The following ZFP64 variants were observed in gnomAD, a reference collection of about 807,000 sequenced individuals.
The protein encoded by ZFP64 is ZFP64 zinc finger protein, also known as zinc finger protein 64.
In ZFP64, 14 loss-of-function variants were observed where a neutral mutation model predicts 51.6. The observed-to-expected ratio is 0.27, with a 90% CI of 0.18 to 0.42. The LOEUF (loss-of-function observed/expected upper bound fraction) is 0.42, where lower values mean the gene tolerates loss of function less well. Ranked by LOEUF, ZFP64 falls within the 10% of genes least tolerant of loss-of-function variation. The pLI, the probability that ZFP64 is intolerant of heterozygous loss-of-function variation, is 1.00. For missense variants in ZFP64, 754 were observed against 906.8 expected (o/e 0.83, Z 2.16); for synonymous variants, 375 against 361.4 (o/e 1.04, Z -0.43).
At chr20:52,130,214 T>C (rs891248586) in intron 5 of ZFP64, among the ~76,000 whole-genome samples, 4 of 134,868 alleles carry the variant, frequency 3.0e-5, no homozygotes, top group Admixed American at 2.7e-4. Flanking sequence ...CAATTGTGTT[T>C]TGTTTGTTTG....
intron 5 of ZFP64, among the ~76,000 whole-genome samples, chr20:52,121,797 G>C (rs1449232510): frequency 1.3e-5 from 2 of 152,242 alleles, no homozygotes; most frequent in East Asian, 1.9e-4. Flanking sequence ...CATAGCTAGA[G>C]AGGAGAAGTC....
At chr20:52,155,052 C>T (rs1337964320) in intron 5 of ZFP64, among the ~76,000 whole-genome samples, 1 of 151,856 alleles carries the variant, frequency 6.6e-6, no homozygotes, top group Non-Finnish European at 1.5e-5. Flanking sequence ...AAATAAAAAC[C>T]AATAGGAATA....
At chr20:52,142,609 A>G (rs1481136806) in intron 5 of ZFP64, among the ~76,000 whole-genome samples, 2 of 152,032 alleles carry the variant, frequency 1.3e-5, no homozygotes, top group South Asian at 2.1e-4. Flanking sequence ...TGGGAGGCTG[A>G]GGCGGGCTGA....
At chr20:52,105,616 G>A (rs1298049425) in intron 5 of ZFP64, 1 of 164,748 alleles carries the variant, frequency 6.1e-6, no homozygotes, top group Admixed American at 6.4e-5. Context: ...CAGGTGATTC[G>A]TTTGCCCATT....
Position 52,152,610 on chromosome 20 carries a change from C to A in ZFP64, c.1582G>T (p.Ala528Ser). The stretch of plus-strand genomic sequence containing the variant: ...CCTGGGAGTTCCTCTGGGTTCTGGG[C>A]CACCAAGGCAGGCGGGACGATGTTC... ...AVNIVPPALV[A>S]QNPEELPGNS... The change falls in exon 6 of 6, where the codon GCC (alanine) becomes TCC (serine). Residue 528 changes from alanine to serine, a missense_variant. This residue lies in a region of ZFP64 where 428 missense variants were observed against 472.4 expected (regional missense o/e 0.91). Transcript: ENST00000216923. 1 of 1,539,066 alleles carries A rather than the reference C, an allele frequency of 6.5e-7. No individual in the cohort carries two copies. Among genetic ancestry groups the A allele is most frequent in the African/African-American group, 1.4e-5 (1 of 73,218 alleles).
chr20:52,141,981 G>C (rs1980275614), intron 5 of ZFP64, among the ~76,000 whole-genome samples: 1 of 152,196 alleles, frequency 6.6e-6, no homozygotes, highest in African/African-American at 2.4e-5. Context: ...TCACTTATAA[G>C]TGGGAGCTCA....
rs746622275 is a variant in ZFP64, at chr20:52,097,438, A to G, written c.914-3T>C. On this transcript the variant is annotated splice_polypyrimidine_tract_variant and splice_region_variant and intron_variant, in intron 6 of 8. Transcript: ENST00000361387. ...ATGGACAGTTTTGAAGTGGCAACCT[A>G]GAAAAGAAAAATAGATTTTTTTTTT... is the stretch of plus-strand genomic sequence containing the variant. 13 of 1,594,978 alleles carry G rather than the reference A, an allele frequency of 8.2e-6. No individual in the cohort carries two copies. The South Asian group carries it at 1.3e-4, about 16-fold the overall frequency.
intron 1 of ZFP64, among the ~76,000 whole-genome samples, chr20:52,189,448 A>C (rs1984215588): frequency 6.6e-6 from 1 of 151,256 alleles, no homozygotes; most frequent in East Asian, 1.9e-4. Flanking sequence ...AGATCATAGT[A>C]TTGTAAAACT....
chr20:52,113,667 G>C (rs890504024), intron 5 of ZFP64, among the ~76,000 whole-genome samples: 1 of 147,822 alleles, frequency 6.8e-6, no homozygotes, highest in African/African-American at 2.5e-5. Context: ...TCGAACTCCT[G>C]AACTCAGATG....
intron 5 of ZFP64, among the ~76,000 whole-genome samples, chr20:52,137,898 C>G (rs755621533): frequency 6.6e-6 from 1 of 151,948 alleles, no homozygotes; most frequent in African/African-American, 2.4e-5. Context: ...AAAGCAGGCC[C>G]GGTGCACTGG....
At chr20:52,168,666 C>T (rs912486969) in intron 2 of ZFP64, among the ~76,000 whole-genome samples, 4 of 152,210 alleles carry the variant, frequency 2.6e-5, no homozygotes, top group Non-Finnish European at 4.4e-5. Flanking sequence ...CCACCTCTCT[C>T]GGTTGTTGCT....
chr20:52,117,769 T>C (rs1295251273), intron 5 of ZFP64: 1 of 423,620 alleles, frequency 2.4e-6, no homozygotes, highest in Non-Finnish European at 4.6e-6. Context: ...GCTATACCAT[T>C]ATCATAAATT....
In ZFP64 at chr20:52,164,738, A is replaced by G. The variant is rs1424055341; in HGVS notation, c.468T>C (p.Ala156=). The change falls in exon 4 of 6, where the codon GCT becomes GCC. Residue 156 remains alanine (A), a synonymous_variant. Coordinates refer to ENST00000216923, the MANE Select transcript of ZFP64 (RefSeq NM_018197.3). ...GCCGCTCCATGTCCTTCATGCCATA[A>G]GCAGTCTTGAATTGGCAACCTAAAA... ...CCYPGCQFKT[A]YGMKDMERHL... is the part of the protein sequence containing the mutation. 1.9e-6 allele frequency: 3 copies of G among 1,612,630 alleles called. No individual in the cohort carries two copies. The Admixed American group carries it at 5.0e-5, about 27-fold the overall frequency.
chr20:52,138,275 T>C (rs1403045629), intron 5 of ZFP64, among the ~76,000 whole-genome samples: 36 of 151,676 alleles, frequency 2.4e-4, no homozygotes, highest in Non-Finnish European at 5.9e-5. Flanking sequence ...TTTCTAGAGA[T>C]AGGAAATAAA....
chr20:52,155,001 A>C (rs1403152019), intron 5 of ZFP64, among the ~76,000 whole-genome samples: 1 of 152,174 alleles, frequency 6.6e-6, no homozygotes, highest in Non-Finnish European at 1.5e-5. Flanking sequence ...AAGTCCATGG[A>C]ACCCTTCTTA....
chr20:52,139,343 C>T (rs1001257573), intron 5 of ZFP64, among the ~76,000 whole-genome samples: 2 of 152,130 alleles, frequency 1.3e-5, no homozygotes, highest in Admixed American at 6.5e-5. Context: ...AAATCATGGA[C>T]TTTGCAGCAA....
At chr20:52,142,652 C>G (rs1980330982) in intron 5 of ZFP64, among the ~76,000 whole-genome samples, 2 of 150,682 alleles carry the variant, frequency 1.3e-5, no homozygotes, top group South Asian at 4.3e-4. Flanking sequence ...CCAGCCTGAC[C>G]AACATGGTGA....
At chr20:52,175,860 T>G in intron 2 of ZFP64, 182 of 154,610 alleles carry the variant, frequency 1.2e-3, no homozygotes, top group Non-Finnish European at 1.6e-3. Flanking sequence ...GCACCCCCGC[T>G]GCCGCCCCCG....
chr20:52,102,954 G>A (rs1299753510), intron 5 of ZFP64, among the ~76,000 whole-genome samples: 4 of 151,810 alleles, frequency 2.6e-5, no homozygotes, highest in Non-Finnish European at 5.9e-5. Context: ...TGTTTTCAAC[G>A]CAAACTAGAA....
Sources: gnomAD v4.1 joint callset for allele counts (sites outside exome capture counted in the v4.1 genomes callset) on GRCh38, gnomAD v4.1.1 for gene constraint, gnomAD v4.1.1 regional missense constraint, MANE v1.5 for transcripts, NCBI Gene and HGNC (gene_info 2026-07-23, HGNC 2026-07-21) for gene names.